The following TNIP1 variants were observed in gnomAD, a reference collection of about 807,000 sequenced individuals.
TNIP1 encodes TNFAIP3-interacting protein 1.
A neutral mutation model predicts 86.6 loss-of-function variants in TNIP1; 22 were observed. The ratio of observed to expected loss-of-function variants is 0.25; its 90% confidence interval spans 0.18 to 0.36. TNIP1 has a LOEUF of 0.36. Ranked by LOEUF, TNIP1 falls within the 10% of genes least tolerant of loss-of-function variation. The pLI is 1.00. For missense variants in TNIP1, 709 were observed against 820.6 expected, an observed-to-expected ratio of 0.86 and a Z score of 1.66; for synonymous variants, 294 against 313.0, an observed-to-expected ratio of 0.94 and a Z score of 0.64.
chr5:151,081,475 T>A (rs1561551641), upstream of TNIP1, among the ~76,000 whole-genome samples: 1 of 152,020 alleles, frequency 6.6e-6, no homozygotes. Context: ...GCCCCCAGAG[T>A]TCCGTCCAGG....
chr5:151,066,199 G>A (rs1762218760), intron 1 of TNIP1, among the ~76,000 whole-genome samples: 1 of 152,204 alleles, frequency 6.6e-6, no homozygotes, highest in Non-Finnish European at 1.5e-5. Flanking sequence ...AAGGCCCCAA[G>A]CATAAGGAGC....
intron 2 of TNIP1, among the ~76,000 whole-genome samples, chr5:151,064,094 G>A (rs977251268): frequency 1.3e-5 from 2 of 152,172 alleles, no homozygotes; most frequent in Admixed American, 6.5e-5. Context: ...CCCACCCTAC[G>A]GGCTACCCAC....
chr5:151,053,132 C>CA (rs1206934649), intron 6 of TNIP1, among the ~76,000 whole-genome samples: 11 of 98,858 alleles, frequency 1.1e-4, no homozygotes, highest in African/African-American at 4.0e-4. Context: ...TTTTTTAAGA[C>CA]AGAGTCTCAC....
chr5:151,032,155 C>T, intron 17 of TNIP1, 132 bp downstream of exon 17: 1 of 720,240 alleles, frequency 1.4e-6, no homozygotes, highest in South Asian at 1.9e-5. Flanking sequence ...CCATTCAACA[C>T]TGTTTTGGAA....
chr5:151,073,493 T>G (rs1763043372), intron 1 of TNIP1, among the ~76,000 whole-genome samples: 1 of 151,736 alleles, frequency 6.6e-6, no homozygotes, highest in South Asian at 2.1e-4. Flanking sequence ...GGTAGATTGC[T>G]TGGCAATGAT....
In TNIP1 at chr5:151,042,621, G is replaced by A. The variant is rs1758582063; in HGVS notation, c.1053C>T (p.Asp351=). The A allele has an allele frequency of 6.2e-7, 1 of 1,613,918 alleles. No homozygotes were observed. Among genetic ancestry groups the A allele is most frequent in the African/African-American group, 1.3e-5 (1 of 74,946 alleles). ...GCTTCTGCTCCCGCTCGGCCTCCAGGTCAGTCACCTGCTTCTGCAAATCAG... is the reference window on the plus strand; with the variant it reads ...GCTTCTGCTCCCGCTCGGCCTCCAGATCAGTCACCTGCTTCTGCAAATCAG... ...KLADLQKQVT[D]LEAEREQKQR... Residue 351 remains aspartate (D), a synonymous_variant, in exon 11 of 18, where the codon GAC becomes GAT. Transcript: ENST00000521591.
chr5:151,059,978 G>A (rs3805431), intron 5 of TNIP1, among the ~76,000 whole-genome samples: 15,071 of 152,002 alleles, frequency 0.099, 1,600 homozygotes, highest in East Asian at 0.52. Flanking sequence ...GGGCCTTCCT[G>A]ACCCTTCTTT....
chr5:151,049,758 A>T, intron 8 of TNIP1, 66 bp downstream of exon 8: 1 of 1,578,478 alleles, frequency 6.3e-7, no homozygotes, highest in South Asian at 1.1e-5. Flanking sequence ...CTGTCACTGG[A>T]GGTGGTAAGC....
At position 151,065,082 on chromosome 5, in the gene TNIP1, C is replaced by T; in HGVS notation, c.14G>A (p.Gly5Glu). Residue 5 changes from glycine to glutamate, a missense_variant, in exon 2 of 18, where the codon GGA (glycine) becomes GAA (glutamate). Transcript: ENST00000521591. ...CCCAGGGTCGTAGATCCGGTACGGT[C>T]CTCTCCCTTCCATGAGGGTAGCTCA... Reference protein sequence around the residue: MEGRGPYRIYDPGGS... With the variant: MEGREPYRIYDPGGS... 6.2e-7 allele frequency: 1 copy of T among 1,613,692 alleles called. No homozygotes were observed. The highest frequency in any genetic ancestry group is 1.1e-5 in the South Asian group (1 of 91,068).
chr5:151,052,926 G>A (rs1013946784), intron 6 of TNIP1, among the ~76,000 whole-genome samples: 25 of 151,982 alleles, frequency 1.6e-4, no homozygotes, highest in African/African-American at 5.1e-4. Context: ...ATGAGCAGGC[G>A]AGTCCTAGGG....
intron 1 of TNIP1, among the ~76,000 whole-genome samples, chr5:151,072,665 C>T (rs1406946166): frequency 6.6e-6 from 1 of 151,898 alleles, no homozygotes; most frequent in Admixed American, 6.6e-5. Flanking sequence ...ATAGGGACTG[C>T]CCCCCCTCCA....
rs1269097864 is a variant in TNIP1 at position 151,030,311 on chromosome 5, A to C, written c.*402T>G. On this transcript the variant is annotated 3_prime_UTR_variant, in exon 18 of 18. Coordinates refer to ENST00000521591, the MANE Select transcript of TNIP1 (RefSeq NM_006058.5). The stretch of plus-strand genomic sequence containing the variant: ...AGAGCTTGAAGCAAAAATTAAACAC[A>C]CACACAAATTGGTCATGGCAACTAG... 2.6e-6 allele frequency: 1 copy of C among 390,324 alleles called. No individual in the cohort carries two copies. The highest frequency in any genetic ancestry group is 5.0e-6 in the Non-Finnish European group (1 of 198,818). The allele number at this position is 390,324 out of a possible 1,614,324, so 24.2% of individuals were successfully genotyped here.
Position 151,056,819 on chromosome 5 carries a change from T to G in TNIP1, c.574A>C (p.Asn192His). ...THLGRMALEF[N>H]RLASKVHKNE... ...TTGTGCACCTTGGATGCCAGTCGGT[T>G]GAACTCCAGGGCCATGCGGCCCAGG... Residue 192 changes from asparagine (N) to histidine (H), a missense_variant, in exon 6 of 18, where the codon AAC becomes CAC. Transcript: ENST00000521591. 1 of 1,583,562 alleles carries G rather than the reference T, an allele frequency of 6.3e-7. No individual in the cohort carries two copies. Among genetic ancestry groups the G allele is most frequent in the Non-Finnish European group, 8.6e-7 (1 of 1,164,630 alleles).
At chr5:151,067,072 G>A (rs1033327085) in intron 1 of TNIP1, among the ~76,000 whole-genome samples, 3 of 152,170 alleles carry the variant, frequency 2.0e-5, no homozygotes, top group Non-Finnish European at 4.4e-5. Context: ...AGGCACCCAC[G>A]CCCTGCTGAG....
chr5:151,060,315 C>G lies in TNIP1; in HGVS notation c.435+3G>C, dbSNP rs1347795565. Reference sequence around the variant, plus strand: ...AAGCCCGGGGTCCTGCCCGTCCACTCACCATCGCATTGGCATGGCTGCTGC... The same window carrying G: ...AAGCCCGGGGTCCTGCCCGTCCACTGACCATCGCATTGGCATGGCTGCTGC... On this transcript the variant is annotated splice_donor_region_variant and intron_variant, in intron 5 of 17. Transcript: ENST00000521591. The G allele has an allele frequency of 6.2e-7, 1 of 1,614,040 alleles. No individual in the cohort carries two copies. The highest frequency in any genetic ancestry group is 1.1e-5 in the South Asian group (1 of 91,078).
chr5:151,059,629 A>C (rs956589709), intron 5 of TNIP1, among the ~76,000 whole-genome samples: 6 of 152,198 alleles, frequency 3.9e-5, no homozygotes, highest in Non-Finnish European at 8.8e-5. Flanking sequence ...TAAGTCGTTT[A>C]AAGAATCTTC....
At chr5:151,075,416 C>A (rs570602172) in intron 1 of TNIP1, among the ~76,000 whole-genome samples, 2 of 152,080 alleles carry the variant, frequency 1.3e-5, no homozygotes, top group African/African-American at 2.4e-5. Flanking sequence ...GGGTATACTG[C>A]GTGATTTGGG....
upstream of TNIP1, among the ~76,000 whole-genome samples, chr5:151,087,343 G>A (rs2233282): frequency 0.025 from 3,781 of 152,282 alleles, 162 homozygotes; most frequent in African/African-American, 0.087. Context: ...TGGCTGTCCC[G>A]TGCTGTGAAT....
intron 11 of TNIP1, among the ~76,000 whole-genome samples, chr5:151,039,726 TC>T (rs1450083105): frequency 1.3e-4 from 20 of 152,134 alleles, no homozygotes; most frequent in Non-Finnish European, 2.8e-4. Flanking sequence ...CTACGGATAA[TC>T]CCTAACAGAC....
Sources: gnomAD v4.1 joint callset for allele counts (sites outside exome capture counted in the v4.1 genomes callset) on GRCh38, gnomAD v4.1.1 for gene constraint, MANE v1.5 for transcripts, NCBI Gene and HGNC (gene_info 2026-07-23, HGNC 2026-07-21) for gene names.